Variants in DNAH10 observed in about 807,000 individuals in gnomAD.
DNAH10 encodes the protein dynein axonemal heavy chain 10, also known as axonemal beta dynein heavy chain 10.
DNAH10 carries 348 observed loss-of-function variants against 506.6 expected under a neutral mutation model. That is an observed-to-expected ratio of 0.69 (90% CI 0.63 to 0.75). The LOEUF (loss-of-function observed/expected upper bound fraction) is 0.75, where lower values mean the gene tolerates loss of function less well. Among genes scored for constraint, DNAH10 ranks in the 30% least tolerant of loss-of-function variants. The pLI is 0.00. For synonymous variants in DNAH10, 2,059 were observed against 2,198.6 expected (o/e 0.94, Z 1.78); for missense variants, 5,179 against 5,787.1 (o/e 0.89, Z 3.41).
At chr12:123,856,359 GAC>G (rs1268464986) in intron 36 of DNAH10, among the ~76,000 whole-genome samples, 1 of 149,316 alleles carries the variant, frequency 6.7e-6, no homozygotes, top group East Asian at 1.9e-4. Context: ...TTTTTTTCGA[GAC>G]AGAGTTTCAC....
intron 24 of DNAH10, among the ~76,000 whole-genome samples, chr12:123,822,614 T>G (rs1488126359): frequency 6.6e-6 from 1 of 152,212 alleles, no homozygotes. Context: ...CTAATGTATA[T>G]CTATATATCT....
rs28435362 is a variant in DNAH10, at chr12:123,902,629, C to G, written c.9641-310C>G. The stretch of plus-strand genomic sequence containing the variant: ...CAGGAGGGGGACCCCAGCATCCTCA[C>G]TGAACACCGGCGAGGCAGGGCTGGG... On this transcript the variant is annotated intron_variant, in intron 56 of 78. Transcript: ENST00000673944. The surrounding 1 kb of genome is among the most constrained non-coding windows in gnomAD (Gnocchi z 4.5). Among the ~76,000 whole-genome samples the G allele has an allele frequency of 0.32, 48,966 of 151,798 alleles. 9,386 individuals are homozygous for G. The highest frequency in any genetic ancestry group is 0.55 in the African/African-American group (22,650 of 41,258).
intron 39 of DNAH10, among the ~76,000 whole-genome samples, chr12:123,861,672 G>A (rs990056744): frequency 1.3e-5 from 2 of 152,248 alleles, no homozygotes; most frequent in Non-Finnish European, 2.9e-5. Context: ...GGCCAAGTGA[G>A]GCCAAGTACA....
intron 60 of DNAH10, 108 bp from the exon 61 acceptor site, chr12:123,914,221 A>T: frequency 1.0e-6 from 1 of 981,200 alleles, no homozygotes; most frequent in Non-Finnish European, 1.5e-6. Context: ...ACATGTTTCC[A>T]TCTGGCTAGC....
intron 51 of DNAH10, among the ~76,000 whole-genome samples, chr12:123,885,368 A>G (rs1952684824): frequency 6.6e-6 from 1 of 152,272 alleles, no homozygotes; most frequent in African/African-American, 2.4e-5. Flanking sequence ...TATGCCACAC[A>G]TAACCCATTT....
intron 78 of DNAH10, 48 bp downstream of exon 78, chr12:123,934,814 T>C (rs756601229): frequency 6.2e-7 from 1 of 1,608,424 alleles, no homozygotes; most frequent in South Asian, 1.1e-5. Context: ...CTTCCTCTTC[T>C]GACTGTAGTT....
rs772779706 is a variant in DNAH10 at position 123,910,394 on chromosome 12, C to T, written c.9998-142C>T. 25 of 1,087,684 alleles carry T rather than the reference C, an allele frequency of 2.3e-5. No individual in the cohort carries two copies. The South Asian group carries it at 2.7e-4, about 12-fold the overall frequency. 67.4% of individuals were successfully genotyped at this position (1,087,684 alleles called of 1,614,324 possible). A position where few individuals can be genotyped will look rare whatever the true frequency, so the allele number is the denominator to read the frequency against. On this transcript the variant is annotated intron_variant, in intron 58 of 78. Coordinates refer to ENST00000673944, the MANE Select transcript of DNAH10 (RefSeq NM_001372106.1). Reference sequence around the variant, plus strand: ...CAGAACCCATCTTGGTTTGACACCACGCTGTTGGCCGTAGGAGAGCTTTGT... The same window carrying T: ...CAGAACCCATCTTGGTTTGACACCATGCTGTTGGCCGTAGGAGAGCTTTGT...
intron 24 of DNAH10, among the ~76,000 whole-genome samples, chr12:123,823,134 G>A (rs1959596987): frequency 7.9e-5 from 12 of 152,350 alleles, no homozygotes. Context: ...GCCTGGGAGT[G>A]AGGCTCAGAA....
chr12:123,896,421 A>G (rs746718698), intron 54 of DNAH10, among the ~76,000 whole-genome samples: 1 of 152,090 alleles, frequency 6.6e-6, no homozygotes, highest in Non-Finnish European at 1.5e-5. Context: ...GCATTTAACA[A>G]CCTATCAGAT....
intron 24 of DNAH10, among the ~76,000 whole-genome samples, chr12:123,821,318 C>T (rs940733685): frequency 6.6e-6 from 1 of 151,852 alleles, no homozygotes; most frequent in African/African-American, 2.4e-5. Context: ...GTACTTGATG[C>T]CACGGAATTG....
intron 37 of DNAH10, among the ~76,000 whole-genome samples, chr12:123,858,519 G>T (rs964682526): frequency 6.6e-6 from 1 of 152,238 alleles, no homozygotes; most frequent in Non-Finnish European, 1.5e-5. Context: ...TTGGAAAACA[G>T]CCTGGCAGTT....
chr12:123,803,635 GTCTT>G (rs760324958), intron 16 of DNAH10, 22 bp from the exon 17 acceptor site: 52 of 1,505,534 alleles, frequency 3.5e-5, no homozygotes, highest in South Asian at 2.2e-4. Flanking sequence ...GAAGCCAAAT[GTCTT>G]TCTTTCTTTC....
chr12:123,783,850 G>A, intron 7 of DNAH10, 97 bp from the exon 8 acceptor site: 3 of 1,113,432 alleles, frequency 2.7e-6, no homozygotes, highest in Non-Finnish European at 3.9e-6. Context: ...AAGGATTGGA[G>A]CAGTTGGACA....
At chr12:123,828,384 A>C (rs961706064) in intron 25 of DNAH10, among the ~76,000 whole-genome samples, 3 of 152,156 alleles carry the variant, frequency 2.0e-5, no homozygotes, top group Non-Finnish European at 1.5e-5. Flanking sequence ...TGGCCAAGTT[A>C]GGTCAGAGCC....
Position 123,913,392 on chromosome 12 carries a change from CT to C in DNAH10, c.10352+80del. The C allele has an allele frequency of 1.4e-6, 2 of 1,408,114 alleles. No individual in the cohort carries two copies. The highest frequency in any genetic ancestry group is 1.9e-6 in the Non-Finnish European group (2 of 1,052,326). 87.2% of individuals were successfully genotyped at this position (1,408,114 alleles called of 1,614,324 possible). ...CACAGAGTTTCTCGCCATGTTGATT[CT>C]TTATCTCACGTTGTGTTTTTATGTG... On this transcript the variant is annotated intron_variant, in intron 60 of 78. Coordinates refer to ENST00000673944, the MANE Select transcript of DNAH10 (RefSeq NM_001372106.1). This position sits in a 1 kb window ranked among gnomAD's most constrained non-coding sequence, Gnocchi z 5.1.
At chr12:123,847,350 A>ATCTG (rs1555231342) in intron 32 of DNAH10, among the ~76,000 whole-genome samples, 2 of 148,328 alleles carry the variant, frequency 1.3e-5, no homozygotes, top group Non-Finnish European at 3.0e-5. Context: ...CTATCTATCT[A>ATCTG]TCTGGATATT....
chr12:123,879,874 C>G lies in DNAH10; in HGVS notation c.8634+73C>G, dbSNP rs577030144. The G allele has an allele frequency of 3.3e-6, 5 of 1,535,804 alleles. No individual in the cohort carries two copies. In the African/African-American group the frequency reaches 6.9e-5, roughly 21 times the overall value. ...TGGGCCAAGCGGGAGCTGAGCATCG[C>G]GCGGGTGCCCGGGAGCCTATCACCT... On this transcript the variant is annotated intron_variant, in intron 50 of 78. Coordinates refer to ENST00000673944, the MANE Select transcript of DNAH10 (RefSeq NM_001372106.1).
chr12:123,789,866 G>A (rs1958012260), intron 10 of DNAH10, 61 bp from the exon 11 acceptor site: 1 of 1,472,866 alleles, frequency 6.8e-7, no homozygotes, highest in Admixed American at 1.8e-5. Flanking sequence ...TCCATTTGTA[G>A]TTCTAATATT....
Position 123,853,301 on chromosome 12 carries a change from G to A in DNAH10, c.6387G>A (p.Ser2129=), listed in dbSNP as rs369214932. The A allele has an allele frequency of 1.4e-4, 218 of 1,612,242 alleles. No individual in the cohort carries two copies. Among genetic ancestry groups the A allele is most frequent in the Non-Finnish European group, 1.8e-4 (208 of 1,179,288 alleles). The change falls in exon 36 of 79, where the codon TCG becomes TCA. Residue 2129 remains serine, a synonymous_variant. Transcript: ENST00000673944. This position sits in a 1 kb window ranked among gnomAD's most constrained non-coding sequence, Gnocchi z 4.7. The part of the protein sequence containing the change: ...HYDFGLRALK[S]VLVMAGELKR... ...ATTTTGGACTCAGAGCCCTGAAATC[G>A]GTGCTGGTCATGGCTGGTGAGCTGA...
Sources: allele counts gnomAD v4.1 joint callset (sites outside exome capture counted in the v4.1 genomes callset), GRCh38; gene constraint gnomAD v4.1.1; non-coding constraint Gnocchi (gnomAD v3.1); transcripts MANE v1.5; gene names NCBI Gene and HGNC (gene_info 2026-07-23, HGNC 2026-07-21).